The following ERGIC1 variants were observed in gnomAD, a reference collection of about 807,000 sequenced individuals.
ERGIC1 encodes the protein endoplasmic reticulum-golgi intermediate compartment 1.
In ERGIC1, 19 loss-of-function variants were observed where a neutral mutation model predicts 38.3. That is an observed-to-expected ratio of 0.50 (90% CI 0.35 to 0.73). The LOEUF is 0.73. Among genes scored for constraint, ERGIC1 ranks in the 30% least tolerant of loss-of-function variants. ERGIC1 has a pLI of 0.01. For missense variants in ERGIC1, 294 were observed against 389.2 expected, an observed-to-expected ratio of 0.76 and a Z score of 2.06; for synonymous variants, 124 against 157.6, an observed-to-expected ratio of 0.79 and a Z score of 1.60.
intron 1 of ERGIC1, among the ~76,000 whole-genome samples, chr5:172,838,751 C>T (rs1761089438): frequency 6.6e-6 from 1 of 152,014 alleles, no homozygotes; most frequent in Admixed American, 6.6e-5. Flanking sequence ...TTCCTTAGGC[C>T]CCAATAGGGA....
chr5:172,943,436 C>A (rs1287631370), intron 9 of ERGIC1, among the ~76,000 whole-genome samples: 3 of 151,814 alleles, frequency 2.0e-5, no homozygotes, highest in African/African-American at 7.3e-5. Context: ...GTGTTCTCAT[C>A]CCCGGCTCCA....
chr5:172,948,313 A>G (rs2113496837), intron 9 of ERGIC1, among the ~76,000 whole-genome samples: 1 of 152,098 alleles, frequency 6.6e-6, no homozygotes, highest in South Asian at 2.1e-4. Context: ...AAAAATAAAC[A>G]CTGGTTTGAT....
In ERGIC1 at chr5:172,935,261, C is replaced by T. The variant is rs769103026; in HGVS notation, c.716C>T (p.Thr239Met). 3.0e-5 allele frequency: 49 copies of T among 1,614,074 alleles called. No homozygotes were observed. Among genetic ancestry groups the T allele is most frequent in the Admixed American group, 1.8e-4 (11 of 60,002 alleles). Residue 239 changes from threonine (T) to methionine (M), a missense_variant, in exon 9 of 10, where the codon ACG (threonine) becomes ATG (methionine). Physicochemically the swap from Thr to Met is moderately conservative, Grantham distance 81. Transcript: ENST00000393784. Reference protein sequence around the residue: ...IWFRYDLSPITVKYTERRQPL... With the variant: ...IWFRYDLSPIMVKYTERRQPL... ...TTCCGCTACGACCTCAGCCCCATCA[C>T]GGTCAAGTACACAGAGAGACGGCAG...
At chr5:172,876,544 T>G (rs2113197229) in intron 1 of ERGIC1, among the ~76,000 whole-genome samples, 1 of 152,336 alleles carries the variant, frequency 6.6e-6, no homozygotes, top group South Asian at 2.1e-4. Flanking sequence ...GGGATGTATT[T>G]CAATCACGGC....
intron 1 of ERGIC1, among the ~76,000 whole-genome samples, chr5:172,835,333 G>A (rs1761008061): frequency 6.6e-6 from 1 of 152,150 alleles, no homozygotes; most frequent in South Asian, 2.1e-4. Flanking sequence ...TAGAAGTTAG[G>A]GGCAAAGGCT....
At chr5:172,849,721 T>A (rs1028666253) in intron 1 of ERGIC1, among the ~76,000 whole-genome samples, 2 of 152,182 alleles carry the variant, frequency 1.3e-5, no homozygotes, top group African/African-American at 4.8e-5. Flanking sequence ...ATACCCCCAA[T>A]GACAGCAGCT....
chr5:172,866,949 A>G (rs1270817733), intron 1 of ERGIC1: 1 of 340,454 alleles, frequency 2.9e-6, no homozygotes, highest in African/African-American at 2.2e-5. Flanking sequence ...CAGGTGCTGA[A>G]TGAATGCATG....
intron 9 of ERGIC1, among the ~76,000 whole-genome samples, chr5:172,939,758 T>A (rs1383516382): frequency 1.3e-5 from 2 of 152,262 alleles, no homozygotes; most frequent in African/African-American, 4.8e-5. Flanking sequence ...GGGTCAGCTC[T>A]GAAGGAGCCA....
At chr5:172,852,454 C>T (rs1197794003) in intron 1 of ERGIC1, among the ~76,000 whole-genome samples, 1 of 152,160 alleles carries the variant, frequency 6.6e-6, no homozygotes, top group Non-Finnish European at 1.5e-5. Flanking sequence ...GCAGGGAGGT[C>T]TCCCTTTTGA....
At chr5:172,940,890 C>T (rs1289082098) in intron 9 of ERGIC1, among the ~76,000 whole-genome samples, 2 of 152,218 alleles carry the variant, frequency 1.3e-5, no homozygotes, top group Admixed American at 6.5e-5. Context: ...TGATGACCTC[C>T]GCGTCTGACT....
intron 1 of ERGIC1, among the ~76,000 whole-genome samples, chr5:172,849,932 T>C (rs1761363408): frequency 6.6e-6 from 1 of 152,208 alleles, no homozygotes; most frequent in African/African-American, 2.4e-5. Context: ...CTACAAACTA[T>C]AAATATCATC....
At chr5:172,924,147 G>A in intron 6 of ERGIC1, 38 bp downstream of exon 6, 4 of 1,583,172 alleles carry the variant, frequency 2.5e-6, no homozygotes, top group Non-Finnish European at 3.5e-6. Flanking sequence ...GGCCGGGGGT[G>A]GGCCTTCAGG....
In ERGIC1 at chr5:172,836,592, G is replaced by A. The variant is rs372232720; in HGVS notation, c.20+2159G>A. Among the ~76,000 whole-genome samples, 48 of 152,294 alleles carry A rather than the reference G, an allele frequency of 3.2e-4. No individual in the cohort carries two copies. The East Asian group carries it at 4.1e-3, about 13-fold the overall frequency. ...CTCCAGGACCTGGGTTCTACTGAGG[G>A]TTCGACCATCCCCATGCACCTTCCT... On this transcript the variant is annotated intron_variant, in intron 1 of 9. Transcript: ENST00000393784.
At chr5:172,906,343 G>A (rs987250931) in intron 3 of ERGIC1, among the ~76,000 whole-genome samples, 3 of 152,118 alleles carry the variant, frequency 2.0e-5, no homozygotes, top group Non-Finnish European at 4.4e-5. Flanking sequence ...GTGACTCCGG[G>A]GATGGGACAC....
chr5:172,854,173 G>C (rs944779413), intron 1 of ERGIC1, among the ~76,000 whole-genome samples: 12 of 151,144 alleles, frequency 7.9e-5, no homozygotes, highest in Non-Finnish European at 1.2e-4. Flanking sequence ...CTGAGTCCAG[G>C]AGTTCGAGAC....
chr5:172,924,184 C>G lies in ERGIC1; in HGVS notation c.480+75C>G, dbSNP rs1429322003. ...GCTCTGTCACCCAGTGCCCTCTGCC[C>G]TCTCTGGGCACTAGGAAGAGTTACC... On this transcript the variant is annotated intron_variant, in intron 6 of 9. Coordinates refer to ENST00000393784, the MANE Select transcript of ERGIC1 (RefSeq NM_001031711.3). 2.4e-5 allele frequency: 33 copies of G among 1,359,806 alleles called. No homozygotes were observed. In the Middle Eastern group the frequency reaches 5.7e-4, roughly 24 times the overall value. 84.2% of individuals were successfully genotyped at this position (1,359,806 alleles called of 1,614,324 possible).
At chr5:172,848,631 T>C (rs1417717725) in intron 1 of ERGIC1, among the ~76,000 whole-genome samples, 2 of 152,138 alleles carry the variant, frequency 1.3e-5, no homozygotes, top group Non-Finnish European at 2.9e-5. Context: ...GCAGGGGCCA[T>C]ATCTATGTGT....
chr5:172,867,313 C>A lies in ERGIC1; in HGVS notation c.21-21386C>A, dbSNP rs1179978356. On this transcript the variant is annotated intron_variant, in intron 1 of 9. Coordinates refer to ENST00000393784, the MANE Select transcript of ERGIC1 (RefSeq NM_001031711.3). ...GGTGGACCTCCCAGGTGGGCAGGTC[C>A]AGTTTGGATGAAAGGCCAAGGACGA... 4 of 419,412 alleles carry A rather than the reference C, an allele frequency of 9.5e-6. No individual in the cohort carries two copies. The East Asian group carries it at 2.2e-4, about 23-fold the overall frequency. The allele number at this position is 419,412 out of a possible 1,614,324, so 26.0% of individuals were successfully genotyped here. A position where few individuals can be genotyped will look rare whatever the true frequency, so the allele number is the denominator to read the frequency against.
chr5:172,878,076 G>A (rs1297313669), intron 1 of ERGIC1, among the ~76,000 whole-genome samples: 1 of 152,188 alleles, frequency 6.6e-6, no homozygotes, highest in Admixed American at 6.6e-5. Context: ...TGGGAAGGAG[G>A]GGAGGGGAAA....
Sources: gnomAD v4.1 joint callset for allele counts (sites outside exome capture counted in the v4.1 genomes callset) on GRCh38, gnomAD v4.1.1 for gene constraint, MANE v1.5 for transcripts, NCBI Gene and HGNC (gene_info 2026-07-23, HGNC 2026-07-21) for gene names.